Variants in KMT5B observed in about 807,000 individuals in gnomAD.
KMT5B encodes lysine methyltransferase 5B.
A neutral mutation model predicts 83.2 loss-of-function variants in KMT5B; 10 were observed. The observed-to-expected ratio is 0.12, with a 90% CI of 0.07 to 0.20. KMT5B has a LOEUF of 0.20. Among genes scored for constraint, KMT5B ranks in the 10% least tolerant of loss-of-function variants. KMT5B has a pLI of 1.00. For synonymous variants in KMT5B, 349 were observed against 388.8 expected (o/e 0.90, Z 1.20); for missense variants, 753 against 1,067.2 (o/e 0.71, Z 4.10).
At chr11:68,181,419 GAAGT>G (rs1402749445) in intron 3 of KMT5B, among the ~76,000 whole-genome samples, 2 of 152,122 alleles carry the variant, frequency 1.3e-5, no homozygotes, top group Non-Finnish European at 2.9e-5. Flanking sequence ...TAGACTGAAA[GAAGT>G]AAAAGGAAGG....
rs755643078 is a variant in KMT5B at position 68,180,142 on chromosome 11, T to A, written c.367A>T (p.Asn123Tyr). 1 of 1,577,572 alleles carries A rather than the reference T, an allele frequency of 6.3e-7. No individual in the cohort carries two copies. Among genetic ancestry groups the A allele is most frequent in the Admixed American group, 1.7e-5 (1 of 58,546 alleles). Reference protein sequence around the residue: ...FSKSDSFSHNNPVRFRPIKGR... With the variant: ...FSKSDSFSHNYPVRFRPIKGR... ...ACACACACTACCTACCTCACAGGGTTGTTGTGAGAAAAACTGTCAGATTTT... is the reference window on the plus strand; with the variant it reads ...ACACACACTACCTACCTCACAGGGTAGTTGTGAGAAAAACTGTCAGATTTT... Residue 123 changes from asparagine (N) to tyrosine (Y), a missense_variant, in exon 4 of 11, where the codon AAC becomes TAC. This residue lies in a region of KMT5B where 71 missense variants were observed against 107.0 expected (regional missense o/e 0.66). Coordinates refer to ENST00000304363, the MANE Select transcript of KMT5B (RefSeq NM_017635.5).
chr11:68,160,354 A>G (rs1225489016), intron 10 of KMT5B, among the ~76,000 whole-genome samples: 1 of 152,208 alleles, frequency 6.6e-6, no homozygotes, highest in African/African-American at 2.4e-5. Context: ...AAGTTGTTAC[A>G]CAAGTCAGTT....
At chr11:68,162,457 A>C (rs866524977) in intron 10 of KMT5B, among the ~76,000 whole-genome samples, 1 of 152,156 alleles carries the variant, frequency 6.6e-6, no homozygotes, top group South Asian at 2.1e-4. Flanking sequence ...TCCCCCTGTA[A>C]GACTCAGCTT....
chr11:68,204,611 GTTTTTTTTTTTTT>G (rs34315868), intron 1 of KMT5B, among the ~76,000 whole-genome samples: 3 of 106,150 alleles, frequency 2.8e-5, no homozygotes, highest in African/African-American at 3.5e-5. Context: ...TAAATTTCCG[GTTTTTTTTTTTTT>G]TTTTTTTTTT....
chr11:68,167,456 C>CTT (rs755731394), intron 9 of KMT5B, among the ~76,000 whole-genome samples: 12 of 139,152 alleles, frequency 8.6e-5, no homozygotes, highest in Non-Finnish European at 1.6e-4. Context: ...AAATTTTTTC[C>CTT]TTTTTTTTTT....
intron 1 of KMT5B, among the ~76,000 whole-genome samples, chr11:68,201,044 A>T (rs1859376028): frequency 6.6e-6 from 1 of 152,218 alleles, no homozygotes; most frequent in South Asian, 2.1e-4. Context: ...TATGATCAAG[A>T]TAAAACATAC....
intron 9 of KMT5B, 71 bp downstream of exon 9, chr11:68,170,944 G>A: frequency 2.1e-6 from 3 of 1,445,064 alleles, no homozygotes; most frequent in East Asian, 2.3e-5. Context: ...AAGAGATAAT[G>A]TGAGTTTAAT....
intron 3 of KMT5B, among the ~76,000 whole-genome samples, chr11:68,183,134 G>A (rs1325261256): frequency 1.3e-5 from 2 of 151,810 alleles, no homozygotes; most frequent in African/African-American, 2.4e-5. Flanking sequence ...TCAAGATTCT[G>A]GGCCTTTGTG....
Position 68,166,614 on chromosome 11 carries a change from GTA to G in KMT5B, c.1174+366_1174+367del, listed in dbSNP as rs1855343168. On this transcript the variant is annotated intron_variant, in intron 10 of 10. Transcript: ENST00000304363. ...TAACAAACTGGCTAGGCACTGGAATGTATAGAGTCTAATTTAATTCTACTCAG... is the reference window on the plus strand; with the variant it reads ...TAACAAACTGGCTAGGCACTGGAATGTAGAGTCTAATTTAATTCTACTCAG... The G allele has an allele frequency of 2.6e-5, 27 of 1,037,046 alleles. No individual in the cohort carries two copies. The South Asian group carries it at 9.6e-4, about 37-fold the overall frequency. The allele number at this position is 1,037,046 out of a possible 1,614,324, so 64.2% of individuals were successfully genotyped here.
chr11:68,172,331 C>T (rs1248600742), intron 6 of KMT5B, among the ~76,000 whole-genome samples: 5 of 152,036 alleles, frequency 3.3e-5, no homozygotes, highest in African/African-American at 1.2e-4. Context: ...CTCCTGAGTT[C>T]AAGTGATTCT....
At chr11:68,176,947 G>C (rs1683334313) in intron 4 of KMT5B, among the ~76,000 whole-genome samples, 1 of 152,196 alleles carries the variant, frequency 6.6e-6, no homozygotes, top group Non-Finnish European at 1.5e-5. Context: ...TGCTAAAATT[G>C]AGGTAAGATC....
At position 68,158,567 on chromosome 11, in the gene KMT5B, C is replaced by T; in HGVS notation, c.1779G>A (p.Glu593=). The part of the protein sequence containing the change: ...PVLQEEELAH[E]TAQKGEAKCH... ...ACTTTGCCTCCCCTTTTTGTGCAGT[C>T]TCATGAGCCAGTTCTTCCTCCTGCA... is the stretch of plus-strand genomic sequence containing the variant. Residue 593 remains glutamate (E), a synonymous_variant, in exon 11 of 11, where the codon GAG becomes GAA. Coordinates refer to ENST00000304363, the MANE Select transcript of KMT5B (RefSeq NM_017635.5). 1 of 1,614,142 alleles carries T rather than the reference C, an allele frequency of 6.2e-7. No homozygotes were observed. The highest frequency in any genetic ancestry group is 8.5e-7 in the Non-Finnish European group (1 of 1,180,030).
chr11:68,177,146 A>C (rs948834028), intron 4 of KMT5B, among the ~76,000 whole-genome samples: 2 of 152,210 alleles, frequency 1.3e-5, no homozygotes, highest in African/African-American at 4.8e-5. Context: ...AGACATGGCC[A>C]CTGTTCTTGA....
rs759397079 is a variant in KMT5B, at chr11:68,190,720, A to G, written c.-76-568T>C. ...AGAATATAGCTGAGCACAGTGGCTC[A>G]TGCCTGTAATCCCAGCACTTTGGGG... On this transcript the variant is annotated intron_variant, in intron 1 of 10. Coordinates refer to ENST00000304363, the MANE Select transcript of KMT5B (RefSeq NM_017635.5). 3.0e-4 allele frequency among the ~76,000 whole-genome samples: 46 copies of G among 152,344 alleles called. No individual in the cohort carries two copies. The South Asian group carries it at 3.9e-3, about 13-fold the overall frequency.
chr11:68,180,201 C>T lies in KMT5B; in HGVS notation c.309-1G>A. On this transcript the variant is annotated splice_acceptor_variant, in intron 3 of 10. Transcript: ENST00000304363. LOFTEE classifies it high-confidence loss of function. ...CCTTGAGCTCCTCGAAGGAAAGGCG[C>T]TATATAAATGCAAAAACAAACAACA... The T allele has an allele frequency of 6.4e-7, 1 of 1,565,168 alleles. No homozygotes were observed. The highest frequency in any genetic ancestry group is 8.8e-7 in the Non-Finnish European group (1 of 1,142,290).
At chr11:68,203,872 T>C (rs1453406117) in intron 1 of KMT5B, among the ~76,000 whole-genome samples, 1 of 150,136 alleles carries the variant, frequency 6.7e-6, no homozygotes, top group Non-Finnish European at 1.5e-5. Context: ...CTAATTCAAA[T>C]GGTAATCAGG....
At chr11:68,195,663 T>C (rs80084971) in intron 1 of KMT5B, among the ~76,000 whole-genome samples, 1 of 152,246 alleles carries the variant, frequency 6.6e-6, no homozygotes, top group Non-Finnish European at 1.5e-5. Flanking sequence ...CCTAAAATTA[T>C]AGCTCAGCAT....
At chr11:68,197,863 T>C (rs1166439606) in intron 1 of KMT5B, among the ~76,000 whole-genome samples, 3 of 152,214 alleles carry the variant, frequency 2.0e-5, no homozygotes, top group Non-Finnish European at 1.5e-5. Flanking sequence ...CTTAAACTGA[T>C]AAATGAAACA....
chr11:68,212,441 C>A (rs1286522894), intron 1 of KMT5B, among the ~76,000 whole-genome samples: 1 of 152,246 alleles, frequency 6.6e-6, no homozygotes, highest in South Asian at 2.1e-4. Context: ...CTGTTCCAGA[C>A]CCGGGTCCAA....
Sources: allele counts gnomAD v4.1 joint callset (sites outside exome capture counted in the v4.1 genomes callset), GRCh38; gene constraint gnomAD v4.1.1; regional missense constraint gnomAD v4.1.1; transcripts MANE v1.5; gene names NCBI Gene and HGNC (gene_info 2026-07-23, HGNC 2026-07-21).